The following ATXN7 variants were observed in gnomAD, a reference collection of about 807,000 sequenced individuals.
ATXN7 encodes ataxin-7.
In ATXN7, 12 loss-of-function variants were observed where a neutral mutation model predicts 70.5. The observed-to-expected ratio is 0.17, with a 90% CI of 0.11 to 0.28. The LOEUF is 0.28. Among genes scored for constraint, ATXN7 ranks in the 10% least tolerant of loss-of-function variants. ATXN7 has a pLI of 1.00. For synonymous variants in ATXN7, 498 were observed against 448.7 expected, an observed-to-expected ratio of 1.11 and a Z score of -1.39; for missense variants, 1,256 against 1,131.7, an observed-to-expected ratio of 1.11 and a Z score of -1.58.
At chr3:63,954,698 T>C (rs2075011032) in intron 5 of ATXN7, among the ~76,000 whole-genome samples, 1 of 146,318 alleles carries the variant, frequency 6.8e-6, no homozygotes, top group Non-Finnish European at 1.5e-5. Context: ...TAGGAAAAAG[T>C]GTTTTTTTTT....
Position 63,988,342 on chromosome 3 carries a change from A to G in ATXN7, c.1361+18A>G, listed in dbSNP as rs2075612099. ...CTTCCAAGGTAAGCCAGGCCCTCCA[A>G]CTCTTTCTCCCACCTTCAGAGATGA... is the stretch of plus-strand genomic sequence containing the variant. On this transcript the variant is annotated intron_variant, in intron 9 of 12. Transcript: ENST00000674280. The G allele has an allele frequency of 4.3e-6, 7 of 1,613,370 alleles. No individual in the cohort carries two copies. The highest frequency in any genetic ancestry group is 5.9e-6 in the Non-Finnish European group (7 of 1,179,788).
intron 2 of ATXN7, among the ~76,000 whole-genome samples, chr3:63,906,789 T>C (rs1559626645): frequency 6.6e-6 from 1 of 151,948 alleles, no homozygotes; most frequent in Non-Finnish European, 1.5e-5. Context: ...GGGGTTGGGG[T>C]GGGGGCATGT....
intron 5 of ATXN7, among the ~76,000 whole-genome samples, chr3:63,954,366 C>T (rs950088492): frequency 2.0e-5 from 3 of 152,214 alleles, no homozygotes; most frequent in African/African-American, 4.8e-5. Context: ...TCCAGGCTCT[C>T]TGGGATGTGC....
chr3:63,917,386 A>G (rs1334604901), intron 4 of ATXN7, among the ~76,000 whole-genome samples: 2 of 152,226 alleles, frequency 1.3e-5, no homozygotes, highest in East Asian at 1.9e-4. Context: ...TTATGTTTAG[A>G]TTGAATTAAT....
chr3:63,960,077 G>T (rs751476202), intron 5 of ATXN7, among the ~76,000 whole-genome samples: 4 of 152,178 alleles, frequency 2.6e-5, no homozygotes, highest in Non-Finnish European at 5.9e-5. Flanking sequence ...AATGACTGGG[G>T]CAGACCACTT....
At chr3:63,905,007 T>G (rs908860455) in intron 2 of ATXN7, 2 of 152,200 alleles carry the variant, frequency 1.3e-5, no homozygotes, top group Admixed American at 6.5e-5. Flanking sequence ...ACCTTCTTTT[T>G]TTGTTGTTGT....
chr3:63,898,083 C>G (rs1489832560), intron 1 of ATXN7, among the ~76,000 whole-genome samples: 4 of 152,018 alleles, frequency 2.6e-5, no homozygotes, highest in Non-Finnish European at 1.5e-5. Flanking sequence ...TTCTGAATCG[C>G]CATTTTAAAA....
At chr3:63,863,763 G>A (rs1229988719), upstream of ATXN7, 11 of 1,251,838 alleles carry the variant, frequency 8.8e-6, no homozygotes, top group Non-Finnish European at 1.1e-5. Context: ...GCGGCGAGCG[G>A]GGCCTCACCG....
At chr3:63,926,123 A>G (rs1704705431) in intron 4 of ATXN7, among the ~76,000 whole-genome samples, 1 of 152,188 alleles carries the variant, frequency 6.6e-6, no homozygotes, top group Non-Finnish European at 1.5e-5. Flanking sequence ...CTCCCCGGTA[A>G]AACCCTTTAA....
chr3:63,909,086 G>A (rs951690273), intron 2 of ATXN7, among the ~76,000 whole-genome samples: 1 of 152,152 alleles, frequency 6.6e-6, no homozygotes, highest in Non-Finnish European at 1.5e-5. Flanking sequence ...GTCTGTAGCA[G>A]GCAATCAGGA....
At chr3:63,954,167 T>C (rs1014267781) in intron 5 of ATXN7, among the ~76,000 whole-genome samples, 3 of 152,222 alleles carry the variant, frequency 2.0e-5, no homozygotes, top group Non-Finnish European at 4.4e-5. Flanking sequence ...ATTTCCCTGC[T>C]TCTGAGTTGT....
intron 1 of ATXN7, among the ~76,000 whole-genome samples, chr3:63,868,888 CT>C (rs1416338764): frequency 6.6e-6 from 1 of 152,184 alleles, no homozygotes; most frequent in African/African-American, 2.4e-5. Context: ...ACACTTATAA[CT>C]TTAGTTGTCT....
At chr3:63,986,432 A>G (rs2075579173) in intron 8 of ATXN7, among the ~76,000 whole-genome samples, 2 of 152,178 alleles carry the variant, frequency 1.3e-5, no homozygotes, top group Non-Finnish European at 2.9e-5. Context: ...ATTTGGCTGT[A>G]CTGTGCTAGG....
At chr3:63,964,073 AACACAC>A (rs10557844) in intron 5 of ATXN7, among the ~76,000 whole-genome samples, 5,673 of 147,102 alleles carry the variant, frequency 0.039, 286 homozygotes, top group African/African-American at 0.12. Flanking sequence ...TAGACACATA[AACACAC>A]ACACACACAC....
intron 5 of ATXN7, among the ~76,000 whole-genome samples, chr3:63,955,277 T>C (rs2075021826): frequency 6.6e-6 from 1 of 152,112 alleles, no homozygotes; most frequent in Non-Finnish European, 1.5e-5. Flanking sequence ...AGAGGAGAGT[T>C]CCTGGCAGAA....
At chr3:63,997,599 A>T (rs1374509454) in intron 12 of ATXN7, 12 of 1,543,442 alleles carry the variant, frequency 7.8e-6, no homozygotes, top group Non-Finnish European at 1.1e-5. Context: ...CTCATCTCTC[A>T]TCTTGTTATT....
intron 9 of ATXN7, among the ~76,000 whole-genome samples, chr3:63,989,023 T>G (rs2075622884): frequency 6.6e-6 from 1 of 152,238 alleles, no homozygotes; most frequent in African/African-American, 2.4e-5. Context: ...GAGCTTCTGC[T>G]GAGGAATGTG....
At chr3:63,896,212 GTAAA>G (rs1703442850) in intron 1 of ATXN7, among the ~76,000 whole-genome samples, 3 of 147,736 alleles carry the variant, frequency 2.0e-5, no homozygotes, top group Admixed American at 2.0e-4. Context: ...AAAAAAAAAA[GTAAA>G]TAAATTTATG....
At chr3:63,953,232 G>T (rs2074985764) in intron 5 of ATXN7, among the ~76,000 whole-genome samples, 1 of 152,118 alleles carries the variant, frequency 6.6e-6, no homozygotes, top group African/African-American at 2.4e-5. Flanking sequence ...TTCTTCTATA[G>T]ATAGAGTGTT....
Sources: allele counts gnomAD v4.1 joint callset (sites outside exome capture counted in the v4.1 genomes callset), GRCh38; gene constraint gnomAD v4.1.1; transcripts MANE v1.5; gene names NCBI Gene and HGNC (gene_info 2026-07-23, HGNC 2026-07-21).